S100Z: variants seen among roughly 807,000 people sequenced by gnomAD.
The protein encoded by S100Z is S100 calcium binding protein Z, also known as protein S100-Z.
S100Z carries 11 observed loss-of-function variants against 8.5 expected under a neutral mutation model. That is an observed-to-expected ratio of 1.30 (90% CI 0.82 to 2.15). S100Z has a LOEUF of 2.15. Ranked by LOEUF, S100Z falls within the 30% of genes most tolerant of loss-of-function variation. S100Z has a pLI of 0.00. For missense variants in S100Z, 126 were observed against 117.9 expected, an observed-to-expected ratio of 1.07 and a Z score of -0.32; for synonymous variants, 34 against 43.8, an observed-to-expected ratio of 0.78 and a Z score of 0.89.
chr5:76,866,924 T>G (rs901469963), intron 1 of S100Z, among the ~76,000 whole-genome samples: 5 of 152,250 alleles, frequency 3.3e-5, no homozygotes, highest in Non-Finnish European at 7.3e-5. Flanking sequence ...TTAGTTTCAC[T>G]TACCATTTTC....
intron 4 of S100Z, among the ~76,000 whole-genome samples, chr5:76,878,401 A>T (rs1743276229): frequency 6.6e-6 from 1 of 151,924 alleles, no homozygotes; most frequent in Non-Finnish European, 1.5e-5. Context: ...GCATATAAAT[A>T]CCCTCCTTTG....
chr5:76,921,831 T>C (rs1014866971), downstream of S100Z, among the ~76,000 whole-genome samples: 5 of 151,816 alleles, frequency 3.3e-5, 1 homozygote, highest in South Asian at 1.0e-3. Context: ...CTACTAAAAA[T>C]ACAAAAAATT....
At chr5:76,938,086 T>C in the S100Z span, among the ~76,000 whole-genome samples, 4 of 144,568 alleles carry the variant, frequency 2.8e-5, no homozygotes, top group African/African-American at 7.6e-5. Flanking sequence ...AGTATGAGAC[T>C]CTGTCTCAAA....
chr5:76,922,343 A>G (rs1365861071), downstream of S100Z, among the ~76,000 whole-genome samples: 2 of 152,240 alleles, frequency 1.3e-5, no homozygotes, highest in Non-Finnish European at 2.9e-5. Context: ...CACCATGCCC[A>G]GACAGACTTT....
At chr5:76,939,664 C>T in the S100Z span, among the ~76,000 whole-genome samples, 3 of 151,530 alleles carry the variant, frequency 2.0e-5, no homozygotes, top group African/African-American at 4.8e-5. Flanking sequence ...AGGCACACAC[C>T]ACCACACCCG....
At chr5:76,948,183 G>A in the S100Z span, among the ~76,000 whole-genome samples, 1 of 137,888 alleles carries the variant, frequency 7.3e-6, no homozygotes, top group Non-Finnish European at 1.5e-5. Flanking sequence ...AAAATTAGCT[G>A]GGTGTGGTGG....
intron 1 of S100Z, among the ~76,000 whole-genome samples, chr5:76,861,277 C>T (rs1466798905): frequency 2.6e-5 from 4 of 152,058 alleles, no homozygotes; most frequent in Non-Finnish European, 5.9e-5. Context: ...CTTGGATATC[C>T]TTACAATGTG....
chr5:76,940,269 A>G, the S100Z span, among the ~76,000 whole-genome samples: 1 of 152,220 alleles, frequency 6.6e-6, no homozygotes, highest in Non-Finnish European at 1.5e-5. Context: ...GGACGTGATC[A>G]GCAGATGTAA....
chr5:76,902,161 G>A (rs1744251713), intron 4 of S100Z, among the ~76,000 whole-genome samples: 1 of 152,048 alleles, frequency 6.6e-6, no homozygotes. Context: ...GGAGCCTCCA[G>A]CTGTATAGCC....
chr5:76,952,811 C>G, the S100Z span: 4 of 324,056 alleles, frequency 1.2e-5, no homozygotes, highest in Admixed American at 1.6e-4. Flanking sequence ...TTCTTTGTCT[C>G]CGCCTCATTC....
the S100Z span, among the ~76,000 whole-genome samples, chr5:76,934,527 AG>A: frequency 2.8e-4 from 43 of 152,334 alleles, no homozygotes; most frequent in East Asian, 8.3e-3. Context: ...CCAATGCAAC[AG>A]TATTAAGAGG....
At chr5:76,885,028 ATTG>A (rs1743550657) in intron 4 of S100Z, among the ~76,000 whole-genome samples, 1 of 152,166 alleles carries the variant, frequency 6.6e-6, no homozygotes, top group Non-Finnish European at 1.5e-5. Context: ...TTTGACAAAA[ATTG>A]TCTAGATCTC....
In S100Z at chr5:76,875,477, C is replaced by T. The variant is rs148288662; in HGVS notation, c.118C>T (p.Arg40Ter). ...GGGGGAACTGAAACTGCTCCTGCAG[C>T]GAGAGCTCACGGAATTCCTCTCGGT... Reference protein sequence around the residue: ...SKGELKLLLQRELTEFLSCQK... With the variant: ...SKGELKLLLQ Residue 40 changes from arginine (R) to a stop codon, truncating the protein, a stop_gained, in exon 3 of 5, where the codon CGA (arginine) becomes TGA (stop). Transcript: ENST00000317593. LOFTEE classifies it high-confidence loss of function. 1.6e-3 allele frequency: 2,512 copies of T among 1,610,000 alleles called. 2 individuals are homozygous for T. The highest frequency in any genetic ancestry group is 2.0e-3 in the Non-Finnish European group (2,304 of 1,178,358).
the S100Z span, among the ~76,000 whole-genome samples, chr5:76,937,436 T>C: frequency 1.3e-5 from 2 of 152,098 alleles, no homozygotes; most frequent in Non-Finnish European, 2.9e-5. Context: ...TATTCTTCCC[T>C]ACCTATTTTA....
intron 1 of S100Z, among the ~76,000 whole-genome samples, chr5:76,862,806 C>T (rs1018041662): frequency 7.2e-5 from 11 of 151,762 alleles, no homozygotes; most frequent in South Asian, 2.1e-4. Context: ...GTGACCCCAT[C>T]GCGAAACAAC....
At chr5:76,936,326 T>C in the S100Z span, among the ~76,000 whole-genome samples, 1 of 152,106 alleles carries the variant, frequency 6.6e-6, no homozygotes, top group African/African-American at 2.4e-5. Context: ...AGAAATCATA[T>C]TGCAAATTAG....
chr5:76,895,079 C>T (rs944569171), intron 4 of S100Z, among the ~76,000 whole-genome samples: 4 of 152,072 alleles, frequency 2.6e-5, no homozygotes, highest in Admixed American at 6.6e-5. Context: ...TTTAGCCATG[C>T]GTGGCCACTC....
At chr5:76,887,333 G>C (rs1325669229) in intron 4 of S100Z, among the ~76,000 whole-genome samples, 4 of 145,512 alleles carry the variant, frequency 2.7e-5, no homozygotes, top group African/African-American at 1.0e-4. Flanking sequence ...TCCTGACCTT[G>C]TAATCTGCCT....
At chr5:76,952,940 A>G in the S100Z span, 1 of 590,286 alleles carries the variant, frequency 1.7e-6, no homozygotes. Context: ...GTACTCTGTC[A>G]ATGAGACAGG....
Sources: allele counts gnomAD v4.1 joint callset (sites outside exome capture counted in the v4.1 genomes callset), GRCh38; gene constraint gnomAD v4.1.1; transcripts MANE v1.5; gene names NCBI Gene and HGNC (gene_info 2026-07-23, HGNC 2026-07-21).